Variants in PCSK5 observed in about 807,000 individuals in gnomAD.
PCSK5 encodes the protein proprotein convertase subtilisin/kexin type 5.
In PCSK5, 129 loss-of-function variants were observed where a neutral mutation model predicts 233.2. That is an observed-to-expected ratio of 0.55 (90% CI 0.48 to 0.64). PCSK5 has a LOEUF of 0.64. PCSK5 is among the 30% of genes least tolerant of loss of function. The pLI is 0.00. For missense variants in PCSK5, 2,076 were observed against 2,430.1 expected (o/e 0.85, Z 3.06); for synonymous variants, 825 against 879.2 (o/e 0.94, Z 1.09).
At chr9:76,108,221 A>G in intron 9 of PCSK5, among the ~76,000 whole-genome samples, 1 of 152,194 alleles carries the variant, frequency 6.6e-6, no homozygotes, top group East Asian at 1.9e-4. Context: ...TGAATTCCAA[A>G]CATGTCTTGT....
In PCSK5 at chr9:76,064,341, CGGCT is replaced by C. The variant is rs1245411330; in HGVS notation, c.633-3610_633-3607del. 4.9e-3 allele frequency among the ~76,000 whole-genome samples: 477 copies of C among 97,718 alleles called. 2 individuals are homozygous for C. The highest frequency in any genetic ancestry group is 0.02 in the African/African-American group (402 of 20,516). 64.1% of individuals were successfully genotyped at this position (97,718 alleles called of 152,430 possible). A position where few individuals can be genotyped will look rare whatever the true frequency, so the allele number is the denominator to read the frequency against. On this transcript the variant is annotated intron_variant, in intron 5 of 37. Transcript: ENST00000674117. ...GGCGCCCCTCACCTCCCGGACGGGG[CGGCT>C]GGCCGGGCGGGGGGCTGACCCCCCC...
chr9:76,242,129 T>C (rs1245575894), intron 24 of PCSK5, among the ~76,000 whole-genome samples: 2 of 152,210 alleles, frequency 1.3e-5, no homozygotes, highest in Admixed American at 1.3e-4. Flanking sequence ...ATTTAGGGGA[T>C]ACATGTGATA....
At chr9:76,100,390 C>T (rs1645300482) in intron 8 of PCSK5, among the ~76,000 whole-genome samples, 2 of 152,344 alleles carry the variant, frequency 1.3e-5, no homozygotes, top group Admixed American at 6.5e-5. Context: ...TCATTTGTGC[C>T]TGACACTGTG....
In PCSK5 at chr9:76,358,562, C is replaced by G; in HGVS notation, c.5304C>G (p.Phe1768Leu). The G allele has an allele frequency of 6.2e-7, 1 of 1,612,688 alleles. No homozygotes were observed. Among genetic ancestry groups the G allele is most frequent in the Non-Finnish European group, 8.5e-7 (1 of 1,179,772 alleles). Reference sequence around the variant, plus strand: ...AGGTTAGGCCTGCAACTGAGCATTTCAAGACAGCTCTGTTCATCACCTCCT... The same window carrying G: ...AGGTTAGGCCTGCAACTGAGCATTTGAAGACAGCTCTGTTCATCACCTCCT... ...TSKVRPATEH[F>L]KTALFITSSM... Residue 1768 changes from phenylalanine (F) to leucine (L), a missense_variant, in exon 38 of 38, where the codon TTC (phenylalanine) becomes TTG (leucine). Phe to Leu is a conservative substitution (Grantham distance 22). Around this residue, in one of 6 missense-constraint regions of PCSK5, gnomAD observed 1,510 missense variants for 1,538.1 expected, o/e 0.98. Transcript: ENST00000674117.
chr9:76,052,257 A>G (rs866589502), intron 5 of PCSK5, among the ~76,000 whole-genome samples: 87 of 152,312 alleles, frequency 5.7e-4, no homozygotes, highest in African/African-American at 1.8e-3. Context: ...GGTCAGAACC[A>G]TAAACATATA....
intron 33 of PCSK5, among the ~76,000 whole-genome samples, chr9:76,329,901 G>A (rs1291881663): frequency 3.9e-5 from 6 of 152,048 alleles, no homozygotes; most frequent in Admixed American, 1.3e-4. Flanking sequence ...GAAGTTGCCC[G>A]TGATCAGTTG....
chr9:76,000,708 T>C (rs921166117), intron 3 of PCSK5, among the ~76,000 whole-genome samples: 2 of 152,200 alleles, frequency 1.3e-5, no homozygotes, highest in African/African-American at 4.8e-5. Context: ...TAAACATAGT[T>C]GATGTGTTTT....
intron 30 of PCSK5, among the ~76,000 whole-genome samples, chr9:76,313,422 G>A (rs1194986751): frequency 1.3e-5 from 2 of 152,138 alleles, no homozygotes; most frequent in Non-Finnish European, 2.9e-5. Context: ...TACCCTTTTA[G>A]CTGTTATTCC....
chr9:76,203,376 G>A (rs892652718), intron 20 of PCSK5, among the ~76,000 whole-genome samples: 2 of 151,922 alleles, frequency 1.3e-5, no homozygotes, highest in Admixed American at 1.3e-4. Context: ...GACTTTGCAG[G>A]AGAAATTAAA....
At chr9:75,946,257 A>G (rs975286838) in intron 2 of PCSK5, among the ~76,000 whole-genome samples, 2 of 152,238 alleles carry the variant, frequency 1.3e-5, no homozygotes, top group African/African-American at 4.8e-5. Flanking sequence ...CATTTTAAGT[A>G]TAGACATTAG....
chr9:76,153,098 C>T (rs553843651), intron 10 of PCSK5, among the ~76,000 whole-genome samples: 41 of 152,246 alleles, frequency 2.7e-4, no homozygotes, highest in Middle Eastern at 3.4e-3. Flanking sequence ...TGTGAGACCT[C>T]AACTGATATC....
At chr9:76,261,081 T>C (rs1156295965) in intron 24 of PCSK5, among the ~76,000 whole-genome samples, 4 of 152,202 alleles carry the variant, frequency 2.6e-5, no homozygotes, top group Non-Finnish European at 5.9e-5. Flanking sequence ...GGTGTTGTGC[T>C]GGATAGCAAT....
At chr9:76,251,574 A>T (rs528071024) in intron 24 of PCSK5, among the ~76,000 whole-genome samples, 1 of 151,494 alleles carries the variant, frequency 6.6e-6, no homozygotes. Flanking sequence ...AAAAAAAAAA[A>T]AAAAAAGACA....
At chr9:76,216,917 T>C (rs547497107) in intron 20 of PCSK5, among the ~76,000 whole-genome samples, 5 of 152,340 alleles carry the variant, frequency 3.3e-5, no homozygotes, top group African/African-American at 9.6e-5. Flanking sequence ...TTTGGCTCAC[T>C]GCAACCTCCA....
At chr9:75,933,475 G>A (rs1823903763) in intron 2 of PCSK5, among the ~76,000 whole-genome samples, 1 of 152,166 alleles carries the variant, frequency 6.6e-6, no homozygotes, top group Non-Finnish European at 1.5e-5. Context: ...AGTGCGCATA[G>A]CAATCTCAGC....
intron 24 of PCSK5, among the ~76,000 whole-genome samples, chr9:76,262,706 CAT>C (rs1340385489): frequency 2.0e-5 from 3 of 150,568 alleles, no homozygotes; most frequent in Non-Finnish European, 4.4e-5. Flanking sequence ...CCATTCAGGA[CAT>C]AGGCATGGGC....
At chr9:75,964,066 T>C (rs2131349505) in intron 2 of PCSK5, among the ~76,000 whole-genome samples, 1 of 152,318 alleles carries the variant, frequency 6.6e-6, no homozygotes, top group East Asian at 1.9e-4. Context: ...GCTTCTTTTG[T>C]TGAGAGGATT....
chr9:75,893,802 G>T (rs1825705671), intron 1 of PCSK5, among the ~76,000 whole-genome samples: 1 of 152,202 alleles, frequency 6.6e-6, no homozygotes, highest in Non-Finnish European at 1.5e-5. Flanking sequence ...TGCTTATAGA[G>T]GTTACAGAGG....
intron 20 of PCSK5, chr9:76,193,591 G>A (rs1043588550): frequency 4.9e-6 from 2 of 408,724 alleles, no homozygotes; most frequent in African/African-American, 4.1e-5. Flanking sequence ...TGGGTGTTTA[G>A]TGCTAAACAG....
Sources: allele counts gnomAD v4.1 joint callset (sites outside exome capture counted in the v4.1 genomes callset), GRCh38; gene constraint gnomAD v4.1.1; regional missense constraint gnomAD v4.1.1; transcripts MANE v1.5; gene names NCBI Gene and HGNC (gene_info 2026-07-23, HGNC 2026-07-21).